Variants in SLCO2A1 observed in about 807,000 individuals in gnomAD.
The protein encoded by SLCO2A1 is matrin F/G 1.
SLCO2A1 carries 60 observed loss-of-function variants against 71.7 expected under a neutral mutation model. The observed-to-expected ratio is 0.84, with a 90% confidence interval of 0.68 to 1.04. SLCO2A1 has a LOEUF of 1.04. Ranked by LOEUF, SLCO2A1 falls within the 50% of genes least tolerant of loss-of-function variation. The pLI, the probability that SLCO2A1 is intolerant of heterozygous loss-of-function variation, is 0.00. For missense variants in SLCO2A1, 745 were observed against 813.4 expected, an observed-to-expected ratio of 0.92 and a Z score of 1.02; for synonymous variants, 308 against 326.7, an observed-to-expected ratio of 0.94 and a Z score of 0.62.
chr3:134,026,063 C>A (rs1444945852), intron 1 of SLCO2A1, among the ~76,000 whole-genome samples: 1 of 151,996 alleles, frequency 6.6e-6, no homozygotes, highest in Non-Finnish European at 1.5e-5. Context: ...ACCTACAGAC[C>A]CAGTTCCTGA....
intron 3 of SLCO2A1, 22 bp from the exon 4 acceptor site, chr3:133,955,215 G>C (rs756602943): frequency 1.3e-6 from 2 of 1,597,868 alleles, no homozygotes; most frequent in South Asian, 2.2e-5. Context: ...GTGCTTGCTG[G>C]TCTCCACCAC....
At chr3:133,955,215 G>A (rs756602943) in intron 3 of SLCO2A1, 22 bp from the exon 4 acceptor site, 9 of 1,597,750 alleles carry the variant, frequency 5.6e-6, no homozygotes, top group Admixed American at 1.7e-5. Flanking sequence ...GTGCTTGCTG[G>A]TCTCCACCAC....
intron 1 of SLCO2A1, among the ~76,000 whole-genome samples, chr3:134,003,690 G>C (rs1300288060): frequency 6.6e-6 from 1 of 152,208 alleles, no homozygotes; most frequent in African/African-American, 2.4e-5. Context: ...TGTCTTGAGT[G>C]TCACTGCCCT....
rs376201612 is a variant in SLCO2A1, at chr3:133,972,434, G to T, written c.397+1229C>A. On this transcript the variant is annotated intron_variant, in intron 3 of 13. Transcript: ENST00000310926. ...TGTAAAAGGAGTTCCAGAAAAAAAG[G>T]ATGGAGAAAACAGGGATGTGCAATA... Among the ~76,000 whole-genome samples the T allele has an allele frequency of 1.4e-4, 22 of 152,258 alleles. 1 individual carries two copies. Among genetic ancestry groups the T allele is most frequent in the Admixed American group, 3.3e-4 (5 of 15,290 alleles).
At chr3:133,981,762 G>A (rs1353036435) in intron 1 of SLCO2A1, among the ~76,000 whole-genome samples, 1 of 152,110 alleles carries the variant, frequency 6.6e-6, no homozygotes, top group South Asian at 2.1e-4. Context: ...GGATCATGAG[G>A]TCAGGAGTTC....
intron 11 of SLCO2A1, 85 bp from the exon 12 acceptor site, chr3:133,938,578 G>A: frequency 7.7e-7 from 1 of 1,298,666 alleles, no homozygotes. Context: ...CTCAGAGCAG[G>A]TCAGAACCAG....
At chr3:133,979,388 C>A (rs1180893160) in intron 2 of SLCO2A1, 93 bp downstream of exon 2, 1 of 1,506,860 alleles carries the variant, frequency 6.6e-7, no homozygotes, top group African/African-American at 1.4e-5. Context: ...CACCTATGTG[C>A]ACATCTCAGC....
Position 133,973,836 on chromosome 3 carries a change from A to G in SLCO2A1, c.235-11T>C. The G allele has an allele frequency of 6.2e-7, 1 of 1,610,354 alleles. No homozygotes were observed. Among genetic ancestry groups the G allele is most frequent in the East Asian group, 2.2e-5 (1 of 44,808 alleles). On this transcript the variant is annotated splice_polypyrimidine_tract_variant and intron_variant, in intron 2 of 13. Transcript: ENST00000310926. ...GATGGCATTGCTGATCTGAGAAGAG[A>G]GCAGAAGGGCTGAGTGAGACAAGAG... is the stretch of plus-strand genomic sequence containing the variant.
rs144065004 is a variant in SLCO2A1 at position 134,020,641 on chromosome 3, C to T, written c.96+9066G>A. 2.2e-4 allele frequency among the ~76,000 whole-genome samples: 33 copies of T among 152,366 alleles called. 1 individual carries two copies. In the East Asian group the frequency reaches 6.4e-3, roughly 29 times the overall value. The stretch of plus-strand genomic sequence containing the variant: ...CTTGCCCACTCCGTTTGAGTGGAAG[C>T]GTGGCCTGATCACCCATGGCGTGCC... On this transcript the variant is annotated intron_variant, in intron 1 of 13. Transcript: ENST00000310926.
intron 1 of SLCO2A1, among the ~76,000 whole-genome samples, chr3:134,014,626 A>G (rs1935407340): frequency 6.6e-6 from 1 of 152,172 alleles, no homozygotes; most frequent in African/African-American, 2.4e-5. Flanking sequence ...TCTCATCTCA[A>G]TCAGCAACTT....
At chr3:134,023,268 T>A (rs898013596) in intron 1 of SLCO2A1, among the ~76,000 whole-genome samples, 2 of 152,224 alleles carry the variant, frequency 1.3e-5, no homozygotes, top group Non-Finnish European at 2.9e-5. Flanking sequence ...TTTAACTCTT[T>A]TAATCTATTC....
intron 2 of SLCO2A1, among the ~76,000 whole-genome samples, chr3:133,975,924 T>G (rs137942862): frequency 8.0e-4 from 122 of 152,358 alleles, no homozygotes; most frequent in African/African-American, 2.9e-3. Flanking sequence ...GCACTCATCA[T>G]AACCTGATCT....
Position 134,010,788 on chromosome 3 carries a change from G to A in SLCO2A1, c.96+18919C>T, listed in dbSNP as rs185950662. Among the ~76,000 whole-genome samples, 96 of 143,808 alleles carry A rather than the reference G, an allele frequency of 6.7e-4. 1 individual carries two copies. The highest frequency in any genetic ancestry group is 2.2e-3 in the African/African-American group (87 of 38,990). The allele number at this position is 143,808 out of a possible 152,430, so 94.3% of individuals were successfully genotyped here. On this transcript the variant is annotated intron_variant, in intron 1 of 13. Transcript: ENST00000310926. ...AAAAAAAAAGCACCAGATCTCCTGA[G>A]AACTCACTCACTATCACAAAAACAG...
At chr3:133,993,550 C>G (rs995406837) in intron 1 of SLCO2A1, among the ~76,000 whole-genome samples, 5 of 152,126 alleles carry the variant, frequency 3.3e-5, no homozygotes, top group African/African-American at 1.2e-4. Flanking sequence ...CAGCTGGAAG[C>G]CTGGTTTCCC....
chr3:133,958,398 C>T (rs968237009), intron 3 of SLCO2A1, among the ~76,000 whole-genome samples: 1 of 152,136 alleles, frequency 6.6e-6, no homozygotes, highest in African/African-American at 2.4e-5. Context: ...CTGGTCACTC[C>T]CCCAGTGCAG....
intron 3 of SLCO2A1, among the ~76,000 whole-genome samples, chr3:133,965,906 G>A (rs995125704): frequency 1.3e-5 from 2 of 152,204 alleles, no homozygotes; most frequent in Non-Finnish European, 2.9e-5. Flanking sequence ...GACTGACCTG[G>A]GACTGATGGA....
chr3:133,935,458 T>G (rs956352626), intron 13 of SLCO2A1, among the ~76,000 whole-genome samples: 1 of 152,220 alleles, frequency 6.6e-6, no homozygotes, highest in Non-Finnish European at 1.5e-5. Flanking sequence ...GGCCTCTTCC[T>G]TGGGCTCCAG....
At chr3:133,965,138 C>A (rs1315514075) in intron 3 of SLCO2A1, among the ~76,000 whole-genome samples, 1 of 152,140 alleles carries the variant, frequency 6.6e-6, no homozygotes, top group Non-Finnish European at 1.5e-5. Flanking sequence ...GAAAAAAAAA[C>A]CGTTAGCGGA....
At chr3:133,950,789 A>G (rs1476638881) in intron 6 of SLCO2A1, among the ~76,000 whole-genome samples, 4 of 152,166 alleles carry the variant, frequency 2.6e-5, no homozygotes, top group African/African-American at 9.7e-5. Flanking sequence ...GCCACCCTCA[A>G]CACTGTTCAA....
Sources: gnomAD v4.1 joint callset for allele counts (sites outside exome capture counted in the v4.1 genomes callset) on GRCh38, gnomAD v4.1.1 for gene constraint, MANE v1.5 for transcripts, NCBI Gene and HGNC (gene_info 2026-07-23, HGNC 2026-07-21) for gene names.